The following ACOXL variants were observed in gnomAD, a reference collection of about 807,000 sequenced individuals.
ACOXL encodes the protein acyl-CoA oxidase like, also known as acyl-coenzyme A oxidase-like protein.
ACOXL carries 70 observed loss-of-function variants against 71.9 expected under a neutral mutation model. The ratio of observed to expected loss-of-function variants is 0.97; its 90% confidence interval spans 0.80 to 1.19. The LOEUF is 1.19. Among genes scored for constraint, ACOXL ranks in the 50% most tolerant of loss-of-function variants. The probability of loss-of-function intolerance (pLI) is 0.00; values close to 1 mark genes in which losing one functional copy is unlikely to be tolerated. For missense variants in ACOXL, 703 were observed against 736.3 expected (o/e 0.95, Z 0.52); for synonymous variants, 253 against 281.6 (o/e 0.90, Z 1.02).
Position 111,031,650 on chromosome 2 carries a change from T to C in ACOXL, c.1305T>C (p.Phe435=). 2.5e-6 allele frequency: 4 copies of C among 1,614,236 alleles called. No homozygotes were observed. The stretch of plus-strand genomic sequence containing the variant: ...AGGTAAAGACCAAGAAGGAGGATTT[T>C]TTCCATGCCTGGAACTCGTGTCTGC... ...YYKVKTKKED[F]FHAWNSCLHH... Residue 435 remains phenylalanine, a synonymous_variant, in exon 15 of 18, where the codon TTT becomes TTC. Transcript: ENST00000439055.
intron 14 of ACOXL, among the ~76,000 whole-genome samples, chr2:111,001,774 A>G (rs564282908): frequency 2.6e-5 from 4 of 152,284 alleles, no homozygotes; most frequent in African/African-American, 9.6e-5. Flanking sequence ...GAGGAGCCTT[A>G]TTTGCACCTA....
intron 14 of ACOXL, among the ~76,000 whole-genome samples, chr2:111,001,033 T>C (rs1485004844): frequency 6.6e-6 from 1 of 152,228 alleles, no homozygotes; most frequent in Non-Finnish European, 1.5e-5. Context: ...AAGGCATGAC[T>C]GTAAAATTCT....
chr2:110,801,523 C>T, intron 7 of ACOXL, 129 bp from the exon 8 acceptor site: 1 of 765,730 alleles, frequency 1.3e-6, no homozygotes, highest in Admixed American at 2.4e-5. Flanking sequence ...ATGTCCACCC[C>T]CAAGGAAAAA....
intron 9 of ACOXL, among the ~76,000 whole-genome samples, chr2:110,807,207 T>C (rs780541149): frequency 4.7e-4 from 71 of 152,162 alleles, no homozygotes; most frequent in Non-Finnish European, 9.3e-4. Context: ...ATCCTGCCCA[T>C]GACCAGCACT....
intron 16 of ACOXL, among the ~76,000 whole-genome samples, chr2:111,092,456 A>G (rs2068578332): frequency 6.6e-6 from 1 of 152,214 alleles, no homozygotes; most frequent in Non-Finnish European, 1.5e-5. Flanking sequence ...TCAATGGAAA[A>G]TATCAAGATA....
intron 16 of ACOXL, among the ~76,000 whole-genome samples, chr2:111,091,218 T>A (rs1056059267): frequency 6.6e-6 from 1 of 152,180 alleles, no homozygotes; most frequent in Non-Finnish European, 1.5e-5. Flanking sequence ...ACAGCTCCAG[T>A]TACCAGCTCC....
chr2:110,809,141 A>C (rs1312912113), intron 9 of ACOXL, among the ~76,000 whole-genome samples: 4 of 151,964 alleles, frequency 2.6e-5, no homozygotes, highest in African/African-American at 9.7e-5. Flanking sequence ...CTTTGATCTA[A>C]CTCCACGTGG....
intron 1 of ACOXL, among the ~76,000 whole-genome samples, chr2:110,741,294 G>C (rs1212219848): frequency 6.6e-6 from 1 of 152,194 alleles, no homozygotes; most frequent in Non-Finnish European, 1.5e-5. Flanking sequence ...CCAAGATCAA[G>C]GTGTCAGTGG....
rs1376679716 is a variant in ACOXL, at chr2:110,777,349, T to G, written c.76-7383T>G. On this transcript the variant is annotated intron_variant, in intron 2 of 17. Transcript: ENST00000439055. The stretch of plus-strand genomic sequence containing the variant: ...GTAGGGACAAGTGTAAGAGGGCTCA[T>G]AAGCATTTTACATACATTACTCCAT... 2.0e-5 allele frequency among the ~76,000 whole-genome samples: 3 copies of G among 152,176 alleles called. No individual in the cohort carries two copies. In the East Asian group the frequency reaches 5.8e-4, roughly 29 times the overall value.
At position 110,744,001 on chromosome 2, in the gene ACOXL, C is replaced by T. The variant is rs112157570; in HGVS notation, c.-23+11227C>T. The stretch of plus-strand genomic sequence containing the variant: ...TACAATTGGGGTGCTGCCTCTGGGG[C>T]CCCCCAGGCACTGACCCTGCACCCT... On this transcript the variant is annotated intron_variant, in intron 1 of 17. Transcript: ENST00000439055. Among the ~76,000 whole-genome samples the T allele has an allele frequency of 2.6e-3, 392 of 152,296 alleles. 7 individuals are homozygous for T. The highest frequency in any genetic ancestry group is 9.1e-3 in the African/African-American group (377 of 41,544).
chr2:110,768,227 T>C, intron 1 of ACOXL, 141 bp from the exon 2 acceptor site: 1 of 616,092 alleles, frequency 1.6e-6, no homozygotes, highest in East Asian at 2.9e-5. Flanking sequence ...ACCCAGTCTG[T>C]GTGACACACA....
chr2:110,817,327 A>G (rs984242351), intron 9 of ACOXL, among the ~76,000 whole-genome samples: 1 of 152,172 alleles, frequency 6.6e-6, no homozygotes, highest in Non-Finnish European at 1.5e-5. Context: ...CGAGGCAATC[A>G]CCTCATGTGG....
At position 110,990,761 on chromosome 2, in the gene ACOXL, A is replaced by G. The variant is rs569020634; in HGVS notation, c.1169+3544A>G. The stretch of plus-strand genomic sequence containing the variant: ...TTTTTCTGCATCTGTTGAAACGATC[A>G]TATATTTCTTCTTCATTTTGTTAGT... On this transcript the variant is annotated intron_variant, in intron 13 of 17. Coordinates refer to ENST00000439055, the MANE Select transcript of ACOXL (RefSeq NM_001142807.4). Among the ~76,000 whole-genome samples, 4 of 152,334 alleles carry G rather than the reference A, an allele frequency of 2.6e-5. No homozygotes were observed. The South Asian group carries it at 6.2e-4, about 24-fold the overall frequency.
intron 1 of ACOXL, among the ~76,000 whole-genome samples, chr2:110,738,838 A>G (rs914513331): frequency 6.6e-6 from 1 of 151,442 alleles, no homozygotes; most frequent in African/African-American, 2.4e-5. Flanking sequence ...TTTATTTTCC[A>G]TCTCTTTGTC....
At chr2:110,802,490 G>A (rs1686124692) in intron 8 of ACOXL, among the ~76,000 whole-genome samples, 1 of 152,196 alleles carries the variant, frequency 6.6e-6, no homozygotes, top group African/African-American at 2.4e-5. Context: ...ACCTCCCCAT[G>A]GGTTTCCCTT....
At chr2:111,001,767 G>A (rs2063642589) in intron 14 of ACOXL, among the ~76,000 whole-genome samples, 1 of 152,156 alleles carries the variant, frequency 6.6e-6, no homozygotes, top group Non-Finnish European at 1.5e-5. Flanking sequence ...AACACCTGAG[G>A]AGCCTTATTT....
intron 12 of ACOXL, among the ~76,000 whole-genome samples, chr2:110,949,237 T>C (rs945393434): frequency 6.6e-6 from 1 of 152,056 alleles, no homozygotes; most frequent in African/African-American, 2.4e-5. Flanking sequence ...CTGGCAAACC[T>C]CCCAAGAAGG....
chr2:110,892,425 G>A (rs1351487029), intron 10 of ACOXL, among the ~76,000 whole-genome samples: 1 of 152,164 alleles, frequency 6.6e-6, no homozygotes, highest in Non-Finnish European at 1.5e-5. Context: ...TCTCATTGCT[G>A]TGCTCTGGGC....
chr2:111,026,315 C>T (rs1330965616), intron 14 of ACOXL, among the ~76,000 whole-genome samples: 5 of 152,094 alleles, frequency 3.3e-5, no homozygotes. Flanking sequence ...ATAAGGTCTG[C>T]TGGCATTCAT....
Sources: allele counts gnomAD v4.1 joint callset (sites outside exome capture counted in the v4.1 genomes callset), GRCh38; gene constraint gnomAD v4.1.1; transcripts MANE v1.5; gene names NCBI Gene and HGNC (gene_info 2026-07-23, HGNC 2026-07-21).